Variants in STING1 observed in about 807,000 individuals in gnomAD.
The protein encoded by STING1 is stimulator of interferon genes protein.
STING1 carries 19 observed loss-of-function variants against 31.6 expected under a neutral mutation model. The observed-to-expected ratio is 0.60, with a 90% CI of 0.42 to 0.88. STING1 has a LOEUF of 0.88. STING1 is among the 40% of genes least tolerant of loss of function. The probability of loss-of-function intolerance (pLI) is 0.00; values close to 1 mark genes in which losing one functional copy is unlikely to be tolerated. For missense variants in STING1, 371 were observed against 483.7 expected (o/e 0.77, Z 2.19); for synonymous variants, 200 against 208.6 (o/e 0.96, Z 0.35).
At position 139,476,161 on chromosome 5, in the gene STING1, G is replaced by A. The variant is rs967738354; in HGVS notation, c.*100C>T. 1.2e-4 allele frequency: 120 copies of A among 970,214 alleles called. No individual in the cohort carries two copies. In the Middle Eastern group the frequency reaches 1.7e-3, roughly 13 times the overall value. The allele number at this position is 970,214 out of a possible 1,614,324, so 60.1% of individuals were successfully genotyped here. ...TGGACCCTTCCCTGCAAGGCCCCCT[G>A]TGGAAGGAAATAGCTCTGCTGGACA... is the stretch of plus-strand genomic sequence containing the variant. On this transcript the variant is annotated 3_prime_UTR_variant, in exon 8 of 8. Coordinates refer to ENST00000330794, the MANE Select transcript of STING1 (RefSeq NM_198282.4).
Position 139,478,673 on chromosome 5 carries a change from GCCCTCCCCAC to G in STING1, c.521-175_521-166del, listed in dbSNP as rs528623402. The G allele has an allele frequency of 9.5e-5, 62 of 651,638 alleles. 1 individual carries two copies. Among genetic ancestry groups the G allele is most frequent in the African/African-American group, 7.6e-4 (42 of 55,610 alleles). The allele number at this position is 651,638 out of a possible 1,614,324, so 40.4% of individuals were successfully genotyped here. On this transcript the variant is annotated intron_variant, in intron 5 of 7. Transcript: ENST00000330794. Reference sequence around the variant, plus strand: ...GCCAGGAGGGGCAGCGCCTCCAAAAGCCCTCCCCACCCCTCCTCTTACTGCACCACCCTTT... The same window carrying G: ...GCCAGGAGGGGCAGCGCCTCCAAAAGCCCTCCTCTTACTGCACCACCCTTT...
At chr5:139,480,371 C>A (rs1444711146) in intron 5 of STING1, among the ~76,000 whole-genome samples, 1 of 152,042 alleles carries the variant, frequency 6.6e-6, no homozygotes, top group Admixed American at 6.6e-5. Flanking sequence ...TACGGTGAAA[C>A]CCTGTCTCTA....
chr5:139,478,639 G>A (rs780623269), intron 5 of STING1, 131 bp from the exon 6 acceptor site: 32 of 793,258 alleles, frequency 4.0e-5, no homozygotes, highest in Non-Finnish European at 5.6e-5. Flanking sequence ...CACTCTCATT[G>A]TACAGGAGGC....
chr5:139,480,797 G>T lies in STING1; in HGVS notation c.513C>A (p.Ile171=). The T allele has an allele frequency of 6.2e-7, 1 of 1,611,844 alleles. No individual in the cohort carries two copies. Among genetic ancestry groups the T allele is most frequent in the Non-Finnish European group, 8.5e-7 (1 of 1,177,928 alleles). The part of the protein sequence containing the change: ...WSYYIGYLRL[I]LPELQARIRT... ...GCAGAGAGGATGGCCCACCTGGCAGGATCAGCCGCAGATATCCGATGTAAT... is the reference window on the plus strand; with the variant it reads ...GCAGAGAGGATGGCCCACCTGGCAGTATCAGCCGCAGATATCCGATGTAAT... The change falls in exon 5 of 8, where the codon ATC becomes ATA. Residue 171 remains isoleucine (I), a synonymous_variant. Transcript: ENST00000330794.
rs147482780 is a variant in STING1 at position 139,481,489 on chromosome 5, G to A, written c.216C>T (p.His72=). 62 of 1,613,716 alleles carry A rather than the reference G, an allele frequency of 3.8e-5. No individual in the cohort carries two copies. In the African/African-American group the frequency reaches 7.7e-4, roughly 20 times the overall value. ...GVCSLAEELR[H]IHSRYRGSYW... ...CTGCAGTGAGTCACCTGGAGTGGAT[G>A]TGGCGCAGCTCCTCAGCCAGGCTGC... is the stretch of plus-strand genomic sequence containing the variant. Residue 72 remains histidine, a synonymous_variant, in exon 3 of 8, where the codon CAC becomes CAT. Coordinates refer to ENST00000330794, the MANE Select transcript of STING1 (RefSeq NM_198282.4). This position sits in a 1 kb window ranked among gnomAD's most constrained non-coding sequence, Gnocchi z 4.1.
intron 5 of STING1, 144 bp downstream of exon 5, chr5:139,480,646 T>G (rs1751810102): frequency 1.6e-6 from 1 of 634,750 alleles, no homozygotes; most frequent in Non-Finnish European, 2.9e-6. Context: ...GCAACATCCT[T>G]CATGCCTTGG....
In STING1 at chr5:139,481,959, T is replaced by C; in HGVS notation, c.-1+251A>G. The stretch of plus-strand genomic sequence containing the variant: ...CACCAAGACCCAGGGAGACCACAGG[T>C]GTGGTGAAGAAAGAAGGCAGCAACT... On this transcript the variant is annotated intron_variant, in intron 2 of 7. Coordinates refer to ENST00000330794, the MANE Select transcript of STING1 (RefSeq NM_198282.4). This position sits in a 1 kb window ranked among gnomAD's most constrained non-coding sequence, Gnocchi z 4.1. 2.1e-6 allele frequency: 1 copy of C among 472,076 alleles called. No homozygotes were observed. Among genetic ancestry groups the C allele is most frequent in the South Asian group, 3.6e-5 (1 of 28,092 alleles). The allele number at this position is 472,076 out of a possible 1,614,324, so 29.2% of individuals were successfully genotyped here.
Position 139,476,011 on chromosome 5 carries a change from C to CA in STING1, c.*249dup, listed in dbSNP as rs1751648487. 1.1e-5 allele frequency: 5 copies of CA among 452,088 alleles called. No homozygotes were observed. 28.0% of individuals were successfully genotyped at this position (452,088 alleles called of 1,614,324 possible). A position where few individuals can be genotyped will look rare whatever the true frequency, so the allele number is the denominator to read the frequency against. On this transcript the variant is annotated 3_prime_UTR_variant, in exon 8 of 8. Transcript: ENST00000330794. The stretch of plus-strand genomic sequence containing the variant: ...GAAAAACTTCCACACACTCAGTCCT[C>CA]ACAACAACCGTGAGGGAGGTAAGGC...
chr5:139,481,406 G>A lies in STING1; in HGVS notation c.228-64C>T. 6.3e-7 allele frequency: 1 copy of A among 1,587,198 alleles called. No individual in the cohort carries two copies. The highest frequency in any genetic ancestry group is 1.2e-5 in the South Asian group (1 of 86,200). ...CCCAGCTCAGCCAGAGAGGTTCAAG[G>A]AGGGGCAGGGCTAGGCATCAAGGGA... On this transcript the variant is annotated intron_variant, in intron 3 of 7. Transcript: ENST00000330794. This position sits in a 1 kb window ranked among gnomAD's most constrained non-coding sequence, Gnocchi z 4.1.
chr5:139,480,507 T>C (rs1035584092), intron 5 of STING1, among the ~76,000 whole-genome samples: 4 of 152,056 alleles, frequency 2.6e-5, no homozygotes, highest in Admixed American at 6.6e-5. Flanking sequence ...ATGGTACCAC[T>C]GCACTCTAGC....
At position 139,481,194 on chromosome 5, in the gene STING1, G is replaced by A; in HGVS notation, c.376C>T (p.Leu126Phe). ...PFTWMLALLGLSQALNILLGL... is the reference protein window; with the variant it reads ...PFTWMLALLGFSQALNILLGL... ...AGGAGGATGTTCAGTGCCTGCGAGA[G>A]GCCCAGGAGGGCAAGCATCCAAGTG... Residue 126 changes from leucine to phenylalanine, a missense_variant, in exon 4 of 8, where the codon CTC (leucine) becomes TTC (phenylalanine). Coordinates refer to ENST00000330794, the MANE Select transcript of STING1 (RefSeq NM_198282.4). This position sits in a 1 kb window ranked among gnomAD's most constrained non-coding sequence, Gnocchi z 4.1. 2.5e-6 allele frequency: 4 copies of A among 1,614,230 alleles called. No individual in the cohort carries two copies. Among genetic ancestry groups the A allele is most frequent in the Non-Finnish European group, 2.5e-6 (3 of 1,180,040 alleles).
chr5:139,477,528 A>G lies in STING1; in HGVS notation c.760-13T>C, dbSNP rs1357142936. The G allele has an allele frequency of 6.2e-7, 1 of 1,611,940 alleles. No homozygotes were observed. Among genetic ancestry groups the G allele is most frequent in the African/African-American group, 1.3e-5 (1 of 74,894 alleles). On this transcript the variant is annotated splice_polypyrimidine_tract_variant and intron_variant, in intron 6 of 7. Coordinates refer to ENST00000330794, the MANE Select transcript of STING1 (RefSeq NM_198282.4). ...CACAGGTGCCCGCCTAGAGGAGGTA[A>G]GAGGAAGACCAGACTAAGCCAGGGG...
chr5:139,476,351 C>G lies in STING1; in HGVS notation c.1050G>C (p.Ala350=), dbSNP rs775704067. ...EVTVGSLKTS[A]VPSTSTMSQE... The stretch of plus-strand genomic sequence containing the variant: ...GGGACATCGTGGAGGTACTGGGCAC[C>G]GCTGAGGTCTTCAAGCTGCCCACAG... Residue 350 remains alanine (A), a synonymous_variant, in exon 8 of 8, where the codon GCG becomes GCC. Coordinates refer to ENST00000330794, the MANE Select transcript of STING1 (RefSeq NM_198282.4). 5 of 1,612,726 alleles carry G rather than the reference C, an allele frequency of 3.1e-6. No homozygotes were observed. The highest frequency in any genetic ancestry group is 3.4e-6 in the Non-Finnish European group (4 of 1,179,922).
chr5:139,475,973 A>C lies in STING1; in HGVS notation c.*288T>G, dbSNP rs901828039. On this transcript the variant is annotated 3_prime_UTR_variant, in exon 8 of 8. Transcript: ENST00000330794. Reference sequence around the variant, plus strand: ...TGGCACACCCCCTAAGTACACTAGCATCCAAAGTTTATGAAAAACTTCCAC... The same window carrying C: ...TGGCACACCCCCTAAGTACACTAGCCTCCAAAGTTTATGAAAAACTTCCAC... The C allele has an allele frequency of 9.1e-6, 3 of 330,050 alleles. No homozygotes were observed. 20.4% of individuals were successfully genotyped at this position (330,050 alleles called of 1,614,324 possible).
At chr5:139,482,399 A>G (rs528883169) in intron 1 of STING1, 97 bp from the exon 2 acceptor site, 1 of 152,316 alleles carries the variant, frequency 6.6e-6, no homozygotes, top group African/African-American at 2.4e-5. Flanking sequence ...GAAGGAGGGT[A>G]TTTCCTGTTC....
At chr5:139,478,763 A>C in intron 5 of STING1, 11 of 447,546 alleles carry the variant, frequency 2.5e-5, no homozygotes, top group East Asian at 4.0e-5. Flanking sequence ...CCTTTCCACC[A>C]TGGCTTTCAG....
chr5:139,475,725 A>T lies in STING1; in HGVS notation c.*536T>A, dbSNP rs574769025. ...CAAGAGTTGCCCGGCAGGAGAGTCC[A>T]TAGCAACCTTGATGCTGCAGGGTGG... On this transcript the variant is annotated 3_prime_UTR_variant, in exon 8 of 8. Transcript: ENST00000330794. 1 of 152,960 alleles carries T rather than the reference A, an allele frequency of 6.5e-6. No individual in the cohort carries two copies. The highest frequency in any genetic ancestry group is 1.9e-4 in the East Asian group (1 of 5,184). 9.5% of individuals were successfully genotyped at this position (152,960 alleles called of 1,614,324 possible).
At position 139,482,699 on chromosome 5, in the gene STING1, C is replaced by G. The variant is rs1338510485; in HGVS notation, c.-243G>C. 1 of 152,236 alleles carries G rather than the reference C, an allele frequency of 6.6e-6. No individual in the cohort carries two copies. The highest frequency in any genetic ancestry group is 2.4e-5 in the African/African-American group (1 of 41,434). 9.4% of individuals were successfully genotyped at this position (152,236 alleles called of 1,614,324 possible). ...CCGTCTCATATTTTTCTTCTGGTTT[C>G]CAGGATGCAGATTCTTTTTCTGAAA... On this transcript the variant is annotated 5_prime_UTR_variant, in exon 1 of 8. Coordinates refer to ENST00000330794, the MANE Select transcript of STING1 (RefSeq NM_198282.4).
chr5:139,479,462 G>A (rs914054973), intron 5 of STING1, among the ~76,000 whole-genome samples: 2 of 151,918 alleles, frequency 1.3e-5, no homozygotes, highest in African/African-American at 4.8e-5. Context: ...AGCACTTTGG[G>A]AGGCCGAGGT....
Sources: allele counts gnomAD v4.1 joint callset (sites outside exome capture counted in the v4.1 genomes callset), GRCh38; gene constraint gnomAD v4.1.1; non-coding constraint Gnocchi (gnomAD v3.1); transcripts MANE v1.5; gene names NCBI Gene and HGNC (gene_info 2026-07-23, HGNC 2026-07-21).